The following COL23A1 variants were observed in gnomAD, a reference collection of about 807,000 sequenced individuals.
The protein encoded by COL23A1 is collagen alpha-1(XXIII) chain.
COL23A1 carries 97 observed loss-of-function variants against 99.3 expected under a neutral mutation model. The ratio of observed to expected loss-of-function variants is 0.98; its 90% confidence interval spans 0.83 to 1.16. The LOEUF (loss-of-function observed/expected upper bound fraction) is 1.16, where lower values mean the gene tolerates loss of function less well. Among genes scored for constraint, COL23A1 ranks in the 50% most tolerant of loss-of-function variants. The pLI is 0.00. For synonymous variants in COL23A1, 320 were observed against 308.2 expected, an observed-to-expected ratio of 1.04 and a Z score of -0.40; for missense variants, 762 against 757.4, an observed-to-expected ratio of 1.01 and a Z score of -0.07.
At chr5:178,582,532 G>A (rs1581681586) in intron 1 of COL23A1, among the ~76,000 whole-genome samples, 1 of 152,308 alleles carries the variant, frequency 6.6e-6, no homozygotes, top group East Asian at 1.9e-4. Flanking sequence ...ACTTCGCGAG[G>A]TCCTGAAAGC....
chr5:178,391,259 G>T (rs1489992733), intron 2 of COL23A1, among the ~76,000 whole-genome samples: 1 of 152,172 alleles, frequency 6.6e-6, no homozygotes, highest in Non-Finnish European at 1.5e-5. Flanking sequence ...CACCAAAAAG[G>T]TTGGAGACCA....
chr5:178,345,332 A>T, intron 2 of COL23A1: 1 of 537,392 alleles, frequency 1.9e-6, no homozygotes, highest in Non-Finnish European at 3.4e-6. Context: ...AGAGAAACAC[A>T]TTGAAATCAT....
At chr5:178,419,961 G>A (rs1374419371) in intron 2 of COL23A1, among the ~76,000 whole-genome samples, 1 of 152,172 alleles carries the variant, frequency 6.6e-6, no homozygotes, top group Non-Finnish European at 1.5e-5. Flanking sequence ...TTCTGACCAC[G>A]AGGCACCCCT....
At chr5:178,256,551 G>A (rs892796864) in intron 14 of COL23A1, among the ~76,000 whole-genome samples, 154 bp from the exon 15 acceptor site, 6 of 152,362 alleles carry the variant, frequency 3.9e-5, no homozygotes, top group Middle Eastern at 3.4e-3. Context: ...CTCCAGGAAC[G>A]GGGCTCCTCC....
chr5:178,516,213 CT>C (rs11316977), intron 2 of COL23A1, among the ~76,000 whole-genome samples: 2,338 of 152,252 alleles, frequency 0.015, 58 homozygotes, highest in African/African-American at 0.051. Context: ...CTGTTTGCCC[CT>C]CTCCCCTCTG....
intron 5 of COL23A1, among the ~76,000 whole-genome samples, chr5:178,278,408 T>C (rs926748059): frequency 1.3e-5 from 2 of 152,180 alleles, no homozygotes; most frequent in Admixed American, 6.5e-5. Context: ...AGGATTTTTA[T>C]AGAATTTGGA....
At chr5:178,445,196 ATCAT>A (rs940889545) in intron 2 of COL23A1, among the ~76,000 whole-genome samples, 3 of 152,224 alleles carry the variant, frequency 2.0e-5, no homozygotes, top group East Asian at 1.9e-4. Flanking sequence ...ATTAGTCAAA[ATCAT>A]TCATTTAAGA....
At chr5:178,494,739 A>G (rs1048026218) in intron 2 of COL23A1, among the ~76,000 whole-genome samples, 3 of 152,162 alleles carry the variant, frequency 2.0e-5, no homozygotes, top group African/African-American at 7.2e-5. Flanking sequence ...TCCCCGGTAC[A>G]TCCCTAACAC....
chr5:178,488,563 G>A (rs1401602755), intron 2 of COL23A1, among the ~76,000 whole-genome samples: 2 of 151,940 alleles, frequency 1.3e-5, no homozygotes, highest in African/African-American at 4.8e-5. Context: ...ACCTATCGTT[G>A]AAGTCTTGCA....
intron 2 of COL23A1, among the ~76,000 whole-genome samples, chr5:178,534,672 G>A (rs928941837): frequency 2.0e-5 from 3 of 152,072 alleles, no homozygotes; most frequent in Non-Finnish European, 2.9e-5. Context: ...CCAGCTACTC[G>A]GTAGGTTGAA....
intron 2 of COL23A1, among the ~76,000 whole-genome samples, chr5:178,394,162 G>A (rs1242248058): frequency 6.6e-6 from 1 of 152,194 alleles, no homozygotes; most frequent in Non-Finnish European, 1.5e-5. Context: ...GAGGCCCAGG[G>A]CTCCAGCACA....
In COL23A1 at chr5:178,556,969, A is replaced by T. The variant is rs492672; in HGVS notation, c.361+3713T>A. On this transcript the variant is annotated intron_variant, in intron 2 of 28. Transcript: ENST00000390654. Reference sequence around the variant, plus strand: ...ACGCTATCTCAAAAATAAATAAATTAAAAAAATGAAAAGTAAAGTAAAATA... The same window carrying T: ...ACGCTATCTCAAAAATAAATAAATTTAAAAAATGAAAAGTAAAGTAAAATA... 5.7e-3 allele frequency among the ~76,000 whole-genome samples: 869 copies of T among 152,294 alleles called. 15 individuals carry two copies. Among genetic ancestry groups the T allele is most frequent in the African/African-American group, 0.018 (754 of 41,562 alleles).
At position 178,294,016 on chromosome 5, in the gene COL23A1, G is replaced by C. The variant is rs1757599734; in HGVS notation, c.407-3647C>G. ...GGGAGAGAGGGCTGGTGACCCAGGG[G>C]CTGGAACCGACTAGCAATGAGGTGG... On this transcript the variant is annotated intron_variant, in intron 3 of 28. Coordinates refer to ENST00000390654, the MANE Select transcript of COL23A1 (RefSeq NM_173465.4). Among the ~76,000 whole-genome samples, 4 of 152,002 alleles carry C rather than the reference G, an allele frequency of 2.6e-5. No individual in the cohort carries two copies. In the South Asian group the frequency reaches 8.3e-4, roughly 32 times the overall value.
intron 2 of COL23A1, among the ~76,000 whole-genome samples, chr5:178,332,551 A>G (rs1022722477): frequency 1.3e-5 from 2 of 152,106 alleles, no homozygotes; most frequent in Non-Finnish European, 2.9e-5. Context: ...ATAAATCCTG[A>G]GAAACTCCTT....
At chr5:178,496,389 G>C (rs2127978192) in intron 2 of COL23A1, among the ~76,000 whole-genome samples, 2 of 152,230 alleles carry the variant, frequency 1.3e-5, no homozygotes, top group Middle Eastern at 3.4e-3. Flanking sequence ...GAGAAAGAAG[G>C]GCAGAGAAAG....
intron 2 of COL23A1, among the ~76,000 whole-genome samples, chr5:178,433,405 T>C (rs1292542236): frequency 1.3e-5 from 2 of 152,226 alleles, no homozygotes; most frequent in African/African-American, 2.4e-5. Flanking sequence ...CTTCTGTCCC[T>C]GTGGAGTTGG....
chr5:178,258,327 G>A (rs1224932856), intron 12 of COL23A1, among the ~76,000 whole-genome samples: 1 of 147,978 alleles, frequency 6.8e-6, no homozygotes, highest in Admixed American at 6.8e-5. Flanking sequence ...TGGCCTGGTG[G>A]TGAGGGACTG....
intron 5 of COL23A1, among the ~76,000 whole-genome samples, chr5:178,287,890 A>G (rs762745383): frequency 1.3e-5 from 2 of 152,202 alleles, no homozygotes; most frequent in Non-Finnish European, 2.9e-5. Context: ...ATTTTAAGAG[A>G]TCTGCCAAGG....
At chr5:178,561,966 T>C (rs899681271) in intron 1 of COL23A1, 2 of 400,706 alleles carry the variant, frequency 5.0e-6, no homozygotes, top group South Asian at 4.1e-5. Flanking sequence ...CAGCCTCATT[T>C]TACAGACGGG....
Sources: allele counts gnomAD v4.1 joint callset (sites outside exome capture counted in the v4.1 genomes callset), GRCh38; gene constraint gnomAD v4.1.1; transcripts MANE v1.5; gene names NCBI Gene and HGNC (gene_info 2026-07-23, HGNC 2026-07-21).